The following SH3D19 variants were observed in gnomAD, a reference collection of about 807,000 sequenced individuals.
SH3D19 encodes SH3 domain containing 19.
In SH3D19, 58 loss-of-function variants were observed where a neutral mutation model predicts 112.1. The observed-to-expected ratio is 0.52, with a 90% CI of 0.42 to 0.64. The LOEUF (loss-of-function observed/expected upper bound fraction) is 0.64. SH3D19 is among the 30% of genes least tolerant of loss of function. The pLI is 0.00. For synonymous variants in SH3D19, 391 were observed against 448.5 expected, an observed-to-expected ratio of 0.87 and a Z score of 1.62; for missense variants, 1,090 against 1,263.4, an observed-to-expected ratio of 0.86 and a Z score of 2.08.
intron 2 of SH3D19, among the ~76,000 whole-genome samples, chr4:151,217,121 G>C (rs1217914280): frequency 6.6e-6 from 1 of 152,128 alleles, no homozygotes; most frequent in Admixed American, 6.6e-5. Flanking sequence ...CAGAGCTATA[G>C]TTTATAGAGG....
chr4:151,322,634 T>A (rs1437813088), intron 1 of SH3D19, among the ~76,000 whole-genome samples: 1 of 152,162 alleles, frequency 6.6e-6, no homozygotes, highest in African/African-American at 2.4e-5. Context: ...CTATCATCCT[T>A]TGTTGTAAAA....
chr4:151,158,558 C>A (rs1756562230), intron 9 of SH3D19, among the ~76,000 whole-genome samples: 1 of 152,008 alleles, frequency 6.6e-6, no homozygotes, highest in African/African-American at 2.4e-5. Flanking sequence ...CCTTGGCCTC[C>A]CAAAGTGCTG....
intron 8 of SH3D19, among the ~76,000 whole-genome samples, chr4:151,161,714 T>A (rs2149800662): frequency 6.6e-6 from 1 of 150,462 alleles, no homozygotes; most frequent in East Asian, 1.9e-4. Flanking sequence ...ATATGTGCCA[T>A]GTTGGTGTGC....
chr4:151,146,712 T>C (rs1218284906), intron 11 of SH3D19, among the ~76,000 whole-genome samples: 1 of 152,152 alleles, frequency 6.6e-6, no homozygotes, highest in East Asian at 1.9e-4. Context: ...TTTGTATTTT[T>C]AGTAGAGACA....
chr4:151,164,653 C>T (rs1332343292), intron 8 of SH3D19, among the ~76,000 whole-genome samples: 1 of 151,356 alleles, frequency 6.6e-6, no homozygotes, highest in Non-Finnish European at 1.5e-5. Context: ...GATCTCGGCT[C>T]ACTGCAAGCT....
rs1749883167 is a variant in SH3D19, at chr4:151,128,353, T to C, written c.2746A>G (p.Asn916Asp). The change falls in exon 18 of 20, where the codon AAC (asparagine) becomes GAC (aspartate). Residue 916 changes from asparagine (N) to aspartate (D), a missense_variant. Transcript: ENST00000604030. ...TCACACCATTCTGCCGGAAGACTGT[T>C]AACCTGTTATCAAATTAGAGGTGTG... ...KEDSGSNSQVNSLPAEWCEAL... is the reference protein window; with the variant it reads ...KEDSGSNSQVDSLPAEWCEAL... The C allele has an allele frequency of 6.2e-7, 1 of 1,612,636 alleles. No homozygotes were observed. The highest frequency in any genetic ancestry group is 8.5e-7 in the Non-Finnish European group (1 of 1,179,256).
chr4:151,200,677 C>G (rs929187534), intron 2 of SH3D19, among the ~76,000 whole-genome samples: 1 of 152,144 alleles, frequency 6.6e-6, no homozygotes, highest in Non-Finnish European at 1.5e-5. Flanking sequence ...AGTAATAATG[C>G]ACGTTCAACC....
chr4:151,308,052 C>T (rs1480513480), intron 1 of SH3D19, among the ~76,000 whole-genome samples: 4 of 152,186 alleles, frequency 2.6e-5, no homozygotes, highest in South Asian at 4.2e-4. Context: ...ATTACAGGCA[C>T]GGGCCACCAC....
At chr4:151,219,881 A>G (rs966459234) in intron 2 of SH3D19, among the ~76,000 whole-genome samples, 1 of 152,204 alleles carries the variant, frequency 6.6e-6, no homozygotes, top group East Asian at 1.9e-4. Flanking sequence ...ACTACCTCAT[A>G]AAGATATTCT....
At chr4:151,205,759 T>G (rs534029597) in intron 2 of SH3D19, among the ~76,000 whole-genome samples, 1 of 152,352 alleles carries the variant, frequency 6.6e-6, no homozygotes, top group African/African-American at 2.4e-5. Flanking sequence ...TGACCTACAC[T>G]AATGGTTTTA....
intron 3 of SH3D19, among the ~76,000 whole-genome samples, chr4:151,183,429 G>T (rs1449149549): frequency 6.6e-6 from 1 of 152,158 alleles, no homozygotes; most frequent in African/African-American, 2.4e-5. Flanking sequence ...AGCCTGGAAA[G>T]ACCCTCAGCG....
chr4:151,176,695 G>A lies in SH3D19; in HGVS notation c.376-8C>T, dbSNP rs115009304. The stretch of plus-strand genomic sequence containing the variant: ...TTCATAAGATGGTGGGAGCTGAAAA[G>A]TAAAGAATGAAGATTTTAGACATCT... On this transcript the variant is annotated splice_region_variant and splice_polypyrimidine_tract_variant and intron_variant, in intron 5 of 19. Coordinates refer to ENST00000604030, the MANE Select transcript of SH3D19 (RefSeq NM_001378122.1). 1,049 of 1,231,962 alleles carry A rather than the reference G, an allele frequency of 8.5e-4. 9 individuals are homozygous for A. In the African/African-American group the frequency reaches 0.014, roughly 17 times the overall value. The allele number at this position is 1,231,962 out of a possible 1,614,324, so 76.3% of individuals were successfully genotyped here.
At chr4:151,154,585 CT>C (rs1162378679) in intron 9 of SH3D19, among the ~76,000 whole-genome samples, 1 of 147,842 alleles carries the variant, frequency 6.8e-6, no homozygotes, top group East Asian at 2.1e-4. Context: ...GGCCTCTTTT[CT>C]TTTTTTTTGA....
At chr4:151,268,821 T>A (rs1281652773) in intron 1 of SH3D19, among the ~76,000 whole-genome samples, 1 of 150,618 alleles carries the variant, frequency 6.6e-6, no homozygotes, top group Non-Finnish European at 1.5e-5. Context: ...GTGCCACATT[T>A]TCTTAATCCA....
Position 151,191,986 on chromosome 4 carries a change from C to T in SH3D19, c.153-4523G>A, listed in dbSNP as rs1245754787. On this transcript the variant is annotated intron_variant, in intron 2 of 19. Transcript: ENST00000604030. ...TTTGATACAGAGTCTTGCTCTGTCA[C>T]CAGGCTGGAGTGCAGTGGCATGATC... Among the ~76,000 whole-genome samples the T allele has an allele frequency of 2.8e-5, 4 of 142,642 alleles. No homozygotes were observed. In the East Asian group the frequency reaches 8.4e-4, roughly 30 times the overall value. 93.6% of individuals were successfully genotyped at this position (142,642 alleles called of 152,430 possible).
intron 3 of SH3D19, among the ~76,000 whole-genome samples, chr4:151,184,050 C>A (rs1761353849): frequency 6.6e-6 from 1 of 152,126 alleles, no homozygotes; most frequent in Non-Finnish European, 1.5e-5. Flanking sequence ...AAATAATTTT[C>A]TCTTAAAAAG....
At position 151,264,324 on chromosome 4, in the gene SH3D19, G is replaced by A. The variant is rs564095713; in HGVS notation, c.113-38238C>T. ...TGGGCGCCTGTAATCCCAGCCACCCGGGAGGCTGAGGTAGGGGGAGAATCG... is the reference window on the plus strand; with the variant it reads ...TGGGCGCCTGTAATCCCAGCCACCCAGGAGGCTGAGGTAGGGGGAGAATCG... On this transcript the variant is annotated intron_variant, in intron 1 of 19. Coordinates refer to ENST00000604030, the MANE Select transcript of SH3D19 (RefSeq NM_001378122.1). Among the ~76,000 whole-genome samples, 9 of 151,540 alleles carry A rather than the reference G, an allele frequency of 5.9e-5. No individual in the cohort carries two copies. The East Asian group carries it at 9.8e-4, about 16-fold the overall frequency.
At chr4:151,293,565 T>C (rs183822223) in intron 1 of SH3D19, among the ~76,000 whole-genome samples, 1 of 152,344 alleles carries the variant, frequency 6.6e-6, no homozygotes, top group Non-Finnish European at 1.5e-5. Context: ...TGGATTGCCA[T>C]TACAGCCTCC....
At chr4:151,253,867 A>G (rs945517188) in intron 1 of SH3D19, among the ~76,000 whole-genome samples, 2 of 152,220 alleles carry the variant, frequency 1.3e-5, no homozygotes, top group Admixed American at 1.3e-4. Flanking sequence ...TCATACCTCT[A>G]TTCTAGAAAA....
Sources: allele counts gnomAD v4.1 joint callset (sites outside exome capture counted in the v4.1 genomes callset), GRCh38; gene constraint gnomAD v4.1.1; transcripts MANE v1.5; gene names NCBI Gene and HGNC (gene_info 2026-07-23, HGNC 2026-07-21).